The following LHFPL3 variants were observed in gnomAD, a reference collection of about 807,000 sequenced individuals.
LHFPL3 encodes the protein LHFPL tetraspan subfamily member 3 protein.
Under a neutral mutation model 19.3 loss-of-function variants are expected in LHFPL3, and 5 were observed. The observed-to-expected ratio is 0.26, with a 90% CI of 0.14 to 0.54. The LOEUF (loss-of-function observed/expected upper bound fraction) is 0.54, where lower values mean the gene tolerates loss of function less well. Ranked by LOEUF, LHFPL3 falls within the 20% of genes least tolerant of loss-of-function variation. The probability of loss-of-function intolerance (pLI) is 0.94; values close to 1 mark genes in which losing one functional copy is unlikely to be tolerated. For synonymous variants in LHFPL3, 133 were observed against 126.2 expected, an observed-to-expected ratio of 1.05 and a Z score of -0.36; for missense variants, 249 against 307.4, an observed-to-expected ratio of 0.81 and a Z score of 1.42.
intron 1 of LHFPL3, among the ~76,000 whole-genome samples, chr7:104,476,864 A>G (rs1327994729): frequency 6.6e-6 from 1 of 152,228 alleles, no homozygotes; most frequent in Non-Finnish European, 1.5e-5. Context: ...AGCATACTCC[A>G]TAGAAGCACG....
At chr7:104,877,146 G>C (rs1033357016) in intron 2 of LHFPL3, among the ~76,000 whole-genome samples, 5 of 152,166 alleles carry the variant, frequency 3.3e-5, no homozygotes, top group African/African-American at 1.2e-4. Flanking sequence ...GGAGGAGGGA[G>C]GGATAGCATT....
At chr7:104,880,937 A>G (rs946488973) in intron 2 of LHFPL3, among the ~76,000 whole-genome samples, 8 of 152,122 alleles carry the variant, frequency 5.3e-5, no homozygotes, top group Non-Finnish European at 8.8e-5. Flanking sequence ...TTGGGAGGCC[A>G]AGGCGGGTGA....
At chr7:104,868,140 C>T (rs1354156333) in intron 2 of LHFPL3, among the ~76,000 whole-genome samples, 2 of 152,096 alleles carry the variant, frequency 1.3e-5, no homozygotes, top group African/African-American at 4.8e-5. Flanking sequence ...TGGGCAAAAA[C>T]GGGAAGCATT....
chr7:104,549,625 G>GAGATA (rs763747293), intron 1 of LHFPL3, among the ~76,000 whole-genome samples: 28 of 152,172 alleles, frequency 1.8e-4, no homozygotes, highest in Non-Finnish European at 4.0e-4. Flanking sequence ...AGGAAGACAT[G>GAGATA]AGATAAGAGA....
intron 1 of LHFPL3, among the ~76,000 whole-genome samples, chr7:104,524,837 T>C (rs1279120206): frequency 6.6e-6 from 1 of 152,200 alleles, no homozygotes; most frequent in Non-Finnish European, 1.5e-5. Context: ...CTATTTGTTC[T>C]TTTCTATTCT....
At chr7:104,556,787 C>T (rs555892908) in intron 1 of LHFPL3, among the ~76,000 whole-genome samples, 3 of 152,336 alleles carry the variant, frequency 2.0e-5, no homozygotes, top group Non-Finnish European at 4.4e-5. Context: ...AACTTTTATG[C>T]TCTGTTTCCC....
At chr7:104,886,590 C>T (rs1211183610) in intron 2 of LHFPL3, among the ~76,000 whole-genome samples, 2 of 152,186 alleles carry the variant, frequency 1.3e-5, no homozygotes, top group African/African-American at 4.8e-5. Flanking sequence ...GTCTCGAACT[C>T]CTGACCTCAG....
intron 1 of LHFPL3, among the ~76,000 whole-genome samples, chr7:104,373,469 C>T (rs1790650789): frequency 6.6e-6 from 1 of 152,134 alleles, no homozygotes; most frequent in African/African-American, 2.4e-5. Flanking sequence ...CCTGCCATCC[C>T]TTCAACTCCT....
intron 1 of LHFPL3, among the ~76,000 whole-genome samples, chr7:104,700,696 T>C (rs1418939246): frequency 1.3e-5 from 2 of 152,256 alleles, no homozygotes; most frequent in Admixed American, 1.3e-4. Context: ...TTGTAGTTAA[T>C]GGATTCACTT....
At chr7:104,818,265 A>G (rs949155907) in intron 2 of LHFPL3, among the ~76,000 whole-genome samples, 5 of 152,166 alleles carry the variant, frequency 3.3e-5, no homozygotes, top group South Asian at 4.2e-4. Context: ...TAGGTAACCT[A>G]TTGAAATTGT....
In LHFPL3 at chr7:104,621,918, T is replaced by G. The variant is rs920328286; in HGVS notation, c.446-114757T>G. On this transcript the variant is annotated intron_variant, in intron 1 of 2. Transcript: ENST00000424859. ...CTTCCTGCCTTTTAGTAACTCATAC[T>G]GACACAAAAATTATCTCTTCCACCT... Among the ~76,000 whole-genome samples, 6 of 152,276 alleles carry G rather than the reference T, an allele frequency of 3.9e-5. No homozygotes were observed. In the South Asian group the frequency reaches 1.2e-3, roughly 32 times the overall value.
intron 2 of LHFPL3, among the ~76,000 whole-genome samples, chr7:104,758,482 G>C (rs1262359158): frequency 6.6e-6 from 1 of 152,102 alleles, no homozygotes; most frequent in African/African-American, 2.4e-5. Flanking sequence ...GTTCAAGCTG[G>C]AATAGGACCG....
intron 2 of LHFPL3, among the ~76,000 whole-genome samples, chr7:104,764,119 C>G (rs932989364): frequency 6.6e-6 from 1 of 152,174 alleles, no homozygotes; most frequent in African/African-American, 2.4e-5. Flanking sequence ...TAATTTTCCT[C>G]TCTCTGGCAC....
At chr7:104,634,690 T>C (rs1444040683) in intron 1 of LHFPL3, among the ~76,000 whole-genome samples, 1 of 152,176 alleles carries the variant, frequency 6.6e-6, no homozygotes, top group African/African-American at 2.4e-5. Flanking sequence ...GGATCCTTCT[T>C]TGAAGAAATT....
chr7:104,571,954 A>G (rs904681545), intron 1 of LHFPL3, among the ~76,000 whole-genome samples: 15 of 152,182 alleles, frequency 9.9e-5, no homozygotes, highest in African/African-American at 2.4e-4. Context: ...GTAGAATATA[A>G]AAACCTTCTG....
At chr7:104,836,639 G>T (rs542419982) in intron 2 of LHFPL3, among the ~76,000 whole-genome samples, 1 of 152,280 alleles carries the variant, frequency 6.6e-6, no homozygotes, top group Admixed American at 6.5e-5. Flanking sequence ...GGGCTACGGT[G>T]CCATGAAGGT....
At chr7:104,883,975 C>A (rs1469883691) in intron 2 of LHFPL3, among the ~76,000 whole-genome samples, 1 of 152,148 alleles carries the variant, frequency 6.6e-6, no homozygotes, top group Non-Finnish European at 1.5e-5. Context: ...CAGTGCAACA[C>A]GTGGTTGGGG....
In LHFPL3 at chr7:104,529,778, G is replaced by A. The variant is rs144555012; in HGVS notation, c.445+200554G>A. Among the ~76,000 whole-genome samples the A allele has an allele frequency of 3.4e-3, 512 of 152,286 alleles. 4 individuals are homozygous for A. The highest frequency in any genetic ancestry group is 0.01 in the Middle Eastern group (3 of 294). ...CAGGGATGGGCAGTGCCTATGTAGC[G>A]CCATTCCAGAAAAGGCTGAATCATC... On this transcript the variant is annotated intron_variant, in intron 1 of 2. Transcript: ENST00000424859.
chr7:104,601,139 C>T (rs757189672), intron 1 of LHFPL3, among the ~76,000 whole-genome samples: 3 of 152,166 alleles, frequency 2.0e-5, no homozygotes, highest in Admixed American at 6.5e-5. Context: ...TCAGTAATAT[C>T]TCTCCTTATA....
Sources: allele counts gnomAD v4.1 joint callset (sites outside exome capture counted in the v4.1 genomes callset), GRCh38; gene constraint gnomAD v4.1.1; transcripts MANE v1.5; gene names NCBI Gene and HGNC (gene_info 2026-07-23, HGNC 2026-07-21).